SCAPER: variants seen among roughly 807,000 people sequenced by gnomAD.
SCAPER encodes the protein S phase cyclin A-associated protein in the endoplasmic reticulum.
SCAPER carries 98 observed loss-of-function variants against 182.2 expected under a neutral mutation model. That is an observed-to-expected ratio of 0.54 (90% CI 0.46 to 0.64). The LOEUF is 0.64. Ranked by LOEUF, SCAPER falls within the 30% of genes least tolerant of loss-of-function variation. The probability of loss-of-function intolerance (pLI) is 0.00; values close to 1 mark genes in which losing one functional copy is unlikely to be tolerated. For synonymous variants in SCAPER, 605 were observed against 564.6 expected (o/e 1.07, Z -1.01); for missense variants, 1,432 against 1,690.0 (o/e 0.85, Z 2.68).
At chr15:76,848,166 A>G (rs1252866445) in intron 4 of SCAPER, among the ~76,000 whole-genome samples, 4 of 149,004 alleles carry the variant, frequency 2.7e-5, no homozygotes, top group African/African-American at 7.5e-5. Flanking sequence ...ATGCCTGGCT[A>G]ATTTTTCTAT....
chr15:76,399,862 A>G (rs566810800), intron 27 of SCAPER, among the ~76,000 whole-genome samples: 1 of 152,112 alleles, frequency 6.6e-6, no homozygotes, highest in South Asian at 2.1e-4. Context: ...AAAATTAGCC[A>G]GGCATGGTGG....
At chr15:76,875,233 G>A (rs2073053199) in intron 2 of SCAPER, among the ~76,000 whole-genome samples, 1 of 152,044 alleles carries the variant, frequency 6.6e-6, no homozygotes, top group Non-Finnish European at 1.5e-5. Flanking sequence ...CATTTTATGA[G>A]GCCTGAAAAA....
At chr15:76,478,930 A>T (rs1027062587) in intron 24 of SCAPER, among the ~76,000 whole-genome samples, 1 of 151,972 alleles carries the variant, frequency 6.6e-6, no homozygotes, top group Admixed American at 6.6e-5. Flanking sequence ...TTTATTTTTA[A>T]TTTTTTTGTT....
At chr15:76,525,654 A>T (rs1318790738) in intron 23 of SCAPER, among the ~76,000 whole-genome samples, 1 of 152,146 alleles carries the variant, frequency 6.6e-6, no homozygotes, top group Non-Finnish European at 1.5e-5. Flanking sequence ...TTTGCTCAGG[A>T]TTATGGCCTT....
At chr15:76,531,001 A>C (rs1308004533) in intron 23 of SCAPER, among the ~76,000 whole-genome samples, 1 of 151,680 alleles carries the variant, frequency 6.6e-6, no homozygotes, top group African/African-American at 2.4e-5. Context: ...ACGTGTATAT[A>C]TATATAATCC....
chr15:76,424,965 A>T (rs2046320753), intron 26 of SCAPER, among the ~76,000 whole-genome samples: 1 of 152,254 alleles, frequency 6.6e-6, no homozygotes, highest in South Asian at 2.1e-4. Flanking sequence ...TCCTGGCTTG[A>T]AGAGTTTCTG....
chr15:76,815,371 C>A (rs1345503002), intron 5 of SCAPER, among the ~76,000 whole-genome samples: 1 of 152,128 alleles, frequency 6.6e-6, no homozygotes, highest in Non-Finnish European at 1.5e-5. Context: ...AAGTGTCCAT[C>A]AATGGATAAA....
chr15:76,807,170 C>G (rs62029179), intron 5 of SCAPER, among the ~76,000 whole-genome samples: 11,818 of 152,234 alleles, frequency 0.078, 522 homozygotes, highest in Middle Eastern at 0.11. Context: ...CAGTCTTTCA[C>G]CATTAAGCAT....
At chr15:76,596,631 T>C (rs2049520673) in intron 22 of SCAPER, among the ~76,000 whole-genome samples, 1 of 121,500 alleles carries the variant, frequency 8.2e-6, no homozygotes, top group Admixed American at 9.4e-5. Context: ...CAAGTCGGCT[T>C]CATCCCTGGG....
At chr15:76,428,349 G>A (rs572752006) in intron 26 of SCAPER, among the ~76,000 whole-genome samples, 7 of 152,232 alleles carry the variant, frequency 4.6e-5, no homozygotes, top group Non-Finnish European at 8.8e-5. Flanking sequence ...ATATGGAGTC[G>A]ACCTAAGTGT....
In SCAPER at chr15:76,580,067, T is replaced by C. The variant is rs111798066; in HGVS notation, c.2712-5783A>G. Among the ~76,000 whole-genome samples the C allele has an allele frequency of 8.1e-3, 1,226 of 152,198 alleles. 10 individuals carry two copies. Among genetic ancestry groups the C allele is most frequent in the African/African-American group, 0.028 (1,165 of 41,518 alleles). On this transcript the variant is annotated intron_variant, in intron 22 of 31. Coordinates refer to ENST00000563290, the MANE Select transcript of SCAPER (RefSeq NM_020843.4). ...AAGAGAGAGACAGACCCCAATACAG[T>C]AACACCTGGAGACTTCAGCACCCCA...
chr15:76,646,817 G>A (rs773001939), intron 21 of SCAPER, among the ~76,000 whole-genome samples: 7 of 152,150 alleles, frequency 4.6e-5, no homozygotes, highest in Non-Finnish European at 8.8e-5. Context: ...TAAAATATAT[G>A]CTAGTTCTGG....
At chr15:76,902,533 AATTTT>A (rs2074844044) in intron 1 of SCAPER, among the ~76,000 whole-genome samples, 1 of 152,206 alleles carries the variant, frequency 6.6e-6, no homozygotes, top group South Asian at 2.1e-4. Context: ...CTGCAAACAG[AATTTT>A]ATTAATGATT....
At chr15:76,879,435 G>A (rs1036889261) in intron 2 of SCAPER, among the ~76,000 whole-genome samples, 81 of 152,092 alleles carry the variant, frequency 5.3e-4, no homozygotes, top group Non-Finnish European at 1.6e-4. Flanking sequence ...GTGACCTAAG[G>A]TGATCAAAAC....
chr15:76,420,227 G>GT (rs2045931371), intron 26 of SCAPER, among the ~76,000 whole-genome samples: 1 of 132,550 alleles, frequency 7.5e-6, no homozygotes. Context: ...CTCTATAGAT[G>GT]TTTTTTCCTT....
chr15:76,724,583 C>G (rs1388030848), intron 17 of SCAPER, among the ~76,000 whole-genome samples: 2 of 152,172 alleles, frequency 1.3e-5, no homozygotes, highest in Admixed American at 6.5e-5. Flanking sequence ...TAGATTTGGT[C>G]TTTTCACATA....
intron 2 of SCAPER, among the ~76,000 whole-genome samples, chr15:76,876,670 C>T (rs1379911768): frequency 1.3e-5 from 2 of 151,932 alleles, no homozygotes; most frequent in Non-Finnish European, 2.9e-5. Flanking sequence ...TTCACATCAA[C>T]AGATGAAAAG....
intron 2 of SCAPER, among the ~76,000 whole-genome samples, chr15:76,876,594 C>G (rs1276064924): frequency 6.6e-6 from 1 of 152,048 alleles, no homozygotes; most frequent in Admixed American, 6.6e-5. Context: ...GAATATAATT[C>G]ACAGAATTTA....
chr15:76,726,883 C>G (rs143379053), intron 17 of SCAPER, among the ~76,000 whole-genome samples: 8 of 152,090 alleles, frequency 5.3e-5, no homozygotes, highest in African/African-American at 9.6e-5. Flanking sequence ...TAGAACACTT[C>G]AGTCTCGGAA....
Sources: allele counts gnomAD v4.1 joint callset (sites outside exome capture counted in the v4.1 genomes callset), GRCh38; gene constraint gnomAD v4.1.1; transcripts MANE v1.5; gene names NCBI Gene and HGNC (gene_info 2026-07-23, HGNC 2026-07-21).